FOCAD: variants seen among roughly 807,000 people sequenced by gnomAD.
The protein encoded by FOCAD is KIAA1797.
In FOCAD, 198 loss-of-function variants were observed where a neutral mutation model predicts 225.6. The observed-to-expected ratio is 0.88, with a 90% CI of 0.78 to 0.99. The LOEUF is 0.99. FOCAD is among the 50% of genes least tolerant of loss of function. FOCAD has a pLI of 0.00. For synonymous variants in FOCAD, 897 were observed against 755.0 expected (o/e 1.19, Z -3.08); for missense variants, 2,713 against 2,123.6 (o/e 1.28, Z -5.46).
intron 15 of FOCAD, among the ~76,000 whole-genome samples, chr9:20,847,985 A>G (rs927825763): frequency 6.6e-6 from 1 of 152,086 alleles, no homozygotes; most frequent in Non-Finnish European, 1.5e-5. Flanking sequence ...CAAGTATTCT[A>G]TGTATATGAC....
At chr9:20,720,703 C>G (rs1258560869) in intron 4 of FOCAD, among the ~76,000 whole-genome samples, 169 bp downstream of exon 4, 1 of 152,054 alleles carries the variant, frequency 6.6e-6, no homozygotes, top group Non-Finnish European at 1.5e-5. Flanking sequence ...TAATTTAAAC[C>G]CTATAGTTTC....
intron 1 of FOCAD, among the ~76,000 whole-genome samples, chr9:20,691,677 T>G (rs970816981): frequency 1.2e-4 from 18 of 151,520 alleles, no homozygotes; most frequent in Non-Finnish European, 1.6e-4. Flanking sequence ...GAGACGGGTT[T>G]CACCATGTTA....
intron 31 of FOCAD, among the ~76,000 whole-genome samples, 199 bp from the exon 32 acceptor site, chr9:20,948,652 A>G (rs932550388): frequency 6.6e-6 from 1 of 152,202 alleles, no homozygotes; most frequent in African/African-American, 2.4e-5. Context: ...AAAAGCAAGA[A>G]TCCACCCATG....
intron 19 of FOCAD, among the ~76,000 whole-genome samples, chr9:20,879,113 A>G (rs560298494): frequency 1.3e-5 from 2 of 152,278 alleles, no homozygotes; most frequent in Non-Finnish European, 2.9e-5. Flanking sequence ...ATGCTTTACC[A>G]GGTTTCTAGG....
chr9:20,953,734 G>C (rs781078816), intron 35 of FOCAD, among the ~76,000 whole-genome samples: 1 of 152,170 alleles, frequency 6.6e-6, no homozygotes, highest in African/African-American at 2.4e-5. Flanking sequence ...ACATGTCATG[G>C]CTCAGGAATC....
intron 2 of FOCAD, among the ~76,000 whole-genome samples, chr9:20,674,250 A>ATTATTTATGCTATTGAGG (rs1206243158): frequency 2.0e-5 from 3 of 152,134 alleles, no homozygotes; most frequent in Admixed American, 6.5e-5. Flanking sequence ...ACATTTTATT[A>ATTATTTATGCTATTGAGG]TTATTTATGC....
chr9:20,726,117 A>C (rs1826175795), intron 4 of FOCAD, among the ~76,000 whole-genome samples: 1 of 152,202 alleles, frequency 6.6e-6, no homozygotes, highest in Non-Finnish European at 1.5e-5. Context: ...ATATAGCAGC[A>C]TATAGTTTTG....
intron 35 of FOCAD, among the ~76,000 whole-genome samples, chr9:20,962,187 C>CT (rs1302433726): frequency 1.3e-5 from 2 of 152,056 alleles, no homozygotes; most frequent in African/African-American, 4.8e-5. Context: ...TTATGTGATA[C>CT]TTTCCTATAT....
intron 15 of FOCAD, among the ~76,000 whole-genome samples, chr9:20,836,723 G>C (rs372445616): frequency 1.3e-5 from 2 of 151,872 alleles, no homozygotes; most frequent in South Asian, 4.2e-4. Context: ...AGATTTTTAA[G>C]TATGGTTTTT....
At chr9:20,728,736 ATTG>A (rs1826419385) in intron 4 of FOCAD, among the ~76,000 whole-genome samples, 1 of 152,106 alleles carries the variant, frequency 6.6e-6, no homozygotes, top group Non-Finnish European at 1.5e-5. Flanking sequence ...GCTGATCTTT[ATTG>A]TAGACTTTTG....
At chr9:20,817,883 T>C (rs1193296863) in intron 11 of FOCAD, among the ~76,000 whole-genome samples, 1 of 152,212 alleles carries the variant, frequency 6.6e-6, no homozygotes, top group African/African-American at 2.4e-5. Context: ...ATGTGTTCTT[T>C]TTTCTTAAGT....
intron 35 of FOCAD, among the ~76,000 whole-genome samples, chr9:20,969,393 T>G (rs1023527480): frequency 1.3e-5 from 2 of 152,150 alleles, no homozygotes; most frequent in Non-Finnish European, 2.9e-5. Context: ...CAACCGTTAC[T>G]GTAGAGCTAT....
intron 11 of FOCAD, among the ~76,000 whole-genome samples, chr9:20,803,632 A>G (rs935785259): frequency 3.3e-5 from 5 of 152,112 alleles, no homozygotes; most frequent in Admixed American, 6.5e-5. Flanking sequence ...ACAGGACTCT[A>G]TTGAAAGAAG....
rs188016637 is a variant in FOCAD, at chr9:20,715,448, T to C, written c.57+38T>C. 88 of 1,310,710 alleles carry C rather than the reference T, an allele frequency of 6.7e-5. 1 individual carries two copies. The East Asian group carries it at 1.8e-3, about 27-fold the overall frequency. 81.2% of individuals were successfully genotyped at this position (1,310,710 alleles called of 1,614,324 possible). A position where few individuals can be genotyped will look rare whatever the true frequency, so the allele number is the denominator to read the frequency against. ...GTTTATTTTTGCTCATGGTAACAAA[T>C]AAACCTGTTCTGTGGATTTTTAACT... On this transcript the variant is annotated intron_variant, in intron 2 of 43. Coordinates refer to ENST00000338382, the MANE Select transcript of FOCAD (RefSeq NM_001375567.1).
chr9:20,882,004 A>G lies in FOCAD; in HGVS notation c.2451A>G (p.Ile817Met). ...CTGTAGCAGGAATCCCCAATTTTAT[A>G]TTGAAAATGTATGAAACAAACAAGC... is the stretch of plus-strand genomic sequence containing the variant. ...GKTVAGIPNF[I>M]LKMYETNKQP... Residue 817 changes from isoleucine (I) to methionine (M), a missense_variant, in exon 20 of 44, where the codon ATA (isoleucine) becomes ATG (methionine). Transcript: ENST00000338382. 6.2e-7 allele frequency: 1 copy of G among 1,613,948 alleles called. No homozygotes were observed. Among genetic ancestry groups the G allele is most frequent in the Non-Finnish European group, 8.5e-7 (1 of 1,179,874 alleles).
At chr9:20,905,909 A>G (rs1037767261) in intron 21 of FOCAD, among the ~76,000 whole-genome samples, 4 of 148,156 alleles carry the variant, frequency 2.7e-5, no homozygotes, top group African/African-American at 1.0e-4. Context: ...TTCATGGCTG[A>G]GTATCTGTTT....
chr9:20,941,256 A>G (rs1478639384), intron 28 of FOCAD, among the ~76,000 whole-genome samples: 2 of 152,208 alleles, frequency 1.3e-5, no homozygotes, highest in Non-Finnish European at 2.9e-5. Flanking sequence ...CCTATCACTA[A>G]GATTTTACTG....
chr9:20,754,138 C>G (rs1202523597), intron 5 of FOCAD, among the ~76,000 whole-genome samples: 1 of 151,820 alleles, frequency 6.6e-6, no homozygotes, highest in African/African-American at 2.4e-5. Flanking sequence ...GTTGGATGTA[C>G]TTGAAAAAAT....
At position 20,679,121 on chromosome 9, in the gene FOCAD, ATGTGTGTGTGTG is replaced by A. The variant is rs539231126; in HGVS notation, c.-77-15359_-77-15348del. ...CAAAGGGGCAACAGACAGTCTGTGT[ATGTGTGTGTGTG>A]TGTGTGTGTGTGTGTGTGTGTGTGT... On this transcript the variant is annotated intron_variant, in intron 2 of 45. Coordinates refer to the FOCAD transcript ENST00000380249. Among the ~76,000 whole-genome samples, 600 of 122,028 alleles carry A rather than the reference ATGTGTGTGTGTG, an allele frequency of 4.9e-3. 4 individuals are homozygous for A. The highest frequency in any genetic ancestry group is 0.024 in the Middle Eastern group (6 of 248). 80.1% of individuals were successfully genotyped at this position (122,028 alleles called of 152,430 possible). A position where few individuals can be genotyped will look rare whatever the true frequency, so the allele number is the denominator to read the frequency against.
Sources: allele counts gnomAD v4.1 joint callset (sites outside exome capture counted in the v4.1 genomes callset), GRCh38; gene constraint gnomAD v4.1.1; transcripts MANE v1.5; gene names NCBI Gene and HGNC (gene_info 2026-07-23, HGNC 2026-07-21).